Variants in ATRX observed in about 807,000 individuals in gnomAD.
ATRX encodes the protein ATRX chromatin remodeler, also known as chromatin remodeler ATRX.
ATRX carries 12 observed loss-of-function variants against 172.6 expected under a neutral mutation model. That is an observed-to-expected ratio of 0.07 (90% CI 0.04 to 0.11). The LOEUF (loss-of-function observed/expected upper bound fraction) is 0.11, where lower values mean the gene tolerates loss of function less well. Among genes scored for constraint, ATRX ranks in the 10% least tolerant of loss-of-function variants. The pLI, the probability that ATRX is intolerant of heterozygous loss-of-function variation, is 1.00. For synonymous variants in ATRX, 674 were observed against 594.7 expected, an observed-to-expected ratio of 1.13 and a Z score of -1.94; for missense variants, 1,368 against 1,767.4, an observed-to-expected ratio of 0.77 and a Z score of 4.05.
At chrX:77,722,522 T>C (rs1414250056) in intron 1 of ATRX, among the ~76,000 whole-genome samples, 2 of 110,975 alleles carry the variant, frequency 1.8e-5, no homozygotes, top group African/African-American at 6.6e-5. Flanking sequence ...TAACAAAAAG[T>C]GGGCAAAGGA....
chrX:77,645,039 A>G (rs1327226859), intron 15 of ATRX, among the ~76,000 whole-genome samples: 2 of 111,922 alleles, frequency 1.8e-5, no homozygotes, highest in African/African-American at 6.5e-5. Context: ...AAAAACTTCA[A>G]TAAGATCATC....
chrX:77,758,277 C>G (rs781783887), intron 1 of ATRX, among the ~76,000 whole-genome samples: 1 of 107,640 alleles, frequency 9.3e-6, no homozygotes, highest in African/African-American at 3.4e-5. Context: ...GTAATCCCAG[C>G]TACTCTGGAA....
rs6652833 is a variant in ATRX, at chrX:77,733,389, C to G, written c.21-16146G>C. ...AACAAAACTGGAAGAATCACATTAT[C>G]AGACTTCAAATTATACCACAGAGTT... On this transcript the variant is annotated intron_variant, in intron 1 of 34. Coordinates refer to ENST00000373344, the MANE Select transcript of ATRX (RefSeq NM_000489.6). 8.1e-3 allele frequency among the ~76,000 whole-genome samples: 907 copies of G among 111,301 alleles called. 13 individuals are homozygous for G. Among genetic ancestry groups the G allele is most frequent in the African/African-American group, 0.028 (867 of 30,670 alleles).
intron 6 of ATRX, 50 bp from the exon 7 acceptor site, chrX:77,688,977 T>C: frequency 1.0e-6 from 1 of 985,479 alleles, no homozygotes; most frequent in South Asian, 1.9e-5. Context: ...CAGAAAAAGA[T>C]ACTTACTTTA....
rs782739007 is a variant in ATRX, at chrX:77,780,403, T to A, written c.20+5579A>T. Among the ~76,000 whole-genome samples, 8 of 110,605 alleles carry A rather than the reference T, an allele frequency of 7.2e-5. No individual in the cohort carries two copies. In the East Asian group the frequency reaches 2.1e-3, roughly 28 times the overall value. On this transcript the variant is annotated intron_variant, in intron 1 of 34. Coordinates refer to ENST00000373344, the MANE Select transcript of ATRX (RefSeq NM_000489.6). ...CTGCAGTGGCGCAATCTCAGCTCAC[T>A]GCAACCTCCGCCTCCTGGGTTCAAG... is the stretch of plus-strand genomic sequence containing the variant.
intron 26 of ATRX, among the ~76,000 whole-genome samples, chrX:77,591,766 TTC>T (rs2036657088): frequency 8.9e-6 from 1 of 112,284 alleles, no homozygotes; most frequent in African/African-American, 3.2e-5. Flanking sequence ...AATCAATTCT[TTC>T]TGTGCTACAA....
At chrX:77,639,994 A>G in intron 15 of ATRX, among the ~76,000 whole-genome samples, 1 of 112,326 alleles carries the variant, frequency 8.9e-6, no homozygotes, top group Non-Finnish European at 1.9e-5. Context: ...ACGGAATACT[A>G]TGCAGCCATA....
intron 30 of ATRX, among the ~76,000 whole-genome samples, chrX:77,528,613 TCAA>T (rs1392038303): frequency 9.2e-6 from 1 of 108,387 alleles, no homozygotes; most frequent in Non-Finnish European, 1.9e-5. Context: ...AGCAGCAATG[TCAA>T]CAACAACAAA....
At chrX:77,773,099 A>G (rs1239605925) in intron 1 of ATRX, among the ~76,000 whole-genome samples, 1 of 104,850 alleles carries the variant, frequency 9.5e-6, no homozygotes, top group African/African-American at 3.5e-5. Flanking sequence ...AGCTAAAAAA[A>G]AAAAAAAAAA....
At position 77,665,906 on chromosome X, in the gene ATRX, A is replaced by G. The variant is rs140977246; in HGVS notation, c.3810-1128T>C. On this transcript the variant is annotated intron_variant, in intron 10 of 34. Transcript: ENST00000373344. The stretch of plus-strand genomic sequence containing the variant: ...TAGCTGAGATGATGGAACATTTGTT[A>G]TTTCTGGATTTGAAACCCCTCTTTA... Among the ~76,000 whole-genome samples the G allele has an allele frequency of 4.1e-3, 460 of 111,879 alleles. 4 individuals are homozygous for G. Among genetic ancestry groups the G allele is most frequent in the African/African-American group, 0.014 (427 of 30,835 alleles).
intron 30 of ATRX, among the ~76,000 whole-genome samples, chrX:77,556,262 GGAGAGAGGGA>G (rs2064788501): frequency 1.9e-5 from 1 of 53,867 alleles, no homozygotes; most frequent in Non-Finnish European, 3.5e-5. Context: ...AGGGAGAGAG[GGAGAGAGGGA>G]GAGAGGGAGA....
At chrX:77,567,780 G>A (rs1222371489) in intron 28 of ATRX, among the ~76,000 whole-genome samples, 3 of 110,585 alleles carry the variant, frequency 2.7e-5, no homozygotes, top group Admixed American at 9.7e-5. Flanking sequence ...TCTCTTCAAG[G>A]GCCAGTCTAC....
Position 77,683,787 on chromosome X carries a change from C to T in ATRX, c.1469G>A (p.Gly490Asp), listed in dbSNP as rs2148621788. 1 of 1,210,030 alleles carries T rather than the reference C, an allele frequency of 8.3e-7. No individual in the cohort carries two copies. The part of the protein sequence containing the change: ...TEEQRTNKST[G>D]GEHKKSDRKE... ...TCTATCAGATTTCTTATGTTCACCA[C>T]CGGTACTTTTATTTGTTCTTTGTTC... Residue 490 changes from glycine (G) to aspartate (D), a missense_variant, in exon 9 of 35, where the codon GGT (glycine) becomes GAT (aspartate). By Grantham distance (94) the Gly-to-Asp change is moderately conservative. Transcript: ENST00000373344.
At chrX:77,623,785 G>C (rs1341801734) in intron 19 of ATRX, among the ~76,000 whole-genome samples, 3 of 111,494 alleles carry the variant, frequency 2.7e-5, no homozygotes, top group Non-Finnish European at 5.7e-5. Context: ...CACATAAACA[G>C]AATTAAAAAC....
At chrX:77,769,185 A>T (rs1488829488) in intron 1 of ATRX, among the ~76,000 whole-genome samples, 3 of 111,599 alleles carry the variant, frequency 2.7e-5, no homozygotes, top group Non-Finnish European at 3.8e-5. Context: ...GTGAGACCCC[A>T]TCTCAAATAA....
chrX:77,775,435 C>T (rs1333188085), intron 1 of ATRX, among the ~76,000 whole-genome samples: 1 of 111,639 alleles, frequency 9.0e-6, no homozygotes, highest in Admixed American at 9.6e-5. Context: ...ATAATCCCAG[C>T]ACTTTGGGAG....
rs2072198606 is a variant in ATRX at position 77,696,601 on chromosome X, T to C, written c.346A>G (p.Ile116Val). ...DASNENSEND[I>V]TMQSLPKGTV... ...CCTTTTGGCAAGCTCTGCATAGTAA[T>C]ATCATTTTCTGAATTTTCATTAGAC... Residue 116 changes from isoleucine to valine, a missense_variant, in exon 5 of 35, where the codon ATT becomes GTT. Ile to Val is a conservative substitution (Grantham distance 29, BLOSUM62 3). Coordinates refer to ENST00000373344, the MANE Select transcript of ATRX (RefSeq NM_000489.6). 5 of 1,206,946 alleles carry C rather than the reference T, an allele frequency of 4.1e-6. No individual in the cohort carries two copies. Among genetic ancestry groups the C allele is most frequent in the Middle Eastern group, 2.3e-4 (1 of 4,294 alleles).
chrX:77,718,654 G>A (rs1407744842), intron 1 of ATRX, among the ~76,000 whole-genome samples: 2 of 111,530 alleles, frequency 1.8e-5, no homozygotes, highest in Non-Finnish European at 3.8e-5. Flanking sequence ...GATTACAGGC[G>A]TGAGCCACTG....
chrX:77,551,940 G>T (rs1557056459), intron 30 of ATRX, among the ~76,000 whole-genome samples: 1 of 111,807 alleles, frequency 8.9e-6, no homozygotes. Flanking sequence ...ATACCAGTTG[G>T]AATGGCAATC....
Sources: allele counts gnomAD v4.1 joint callset (sites outside exome capture counted in the v4.1 genomes callset), GRCh38; gene constraint gnomAD v4.1.1; transcripts MANE v1.5; gene names NCBI Gene and HGNC (gene_info 2026-07-23, HGNC 2026-07-21).